The following PRTG variants were observed in gnomAD, a reference collection of about 807,000 sequenced individuals.
The protein encoded by PRTG is protogenin.
A neutral mutation model predicts 122.5 loss-of-function variants in PRTG; 67 were observed. The observed-to-expected ratio is 0.55, with a 90% CI of 0.45 to 0.67. The LOEUF (loss-of-function observed/expected upper bound fraction) is 0.67, where lower values mean the gene tolerates loss of function less well. PRTG is among the 30% of genes least tolerant of loss of function. PRTG has a pLI of 0.00. For synonymous variants in PRTG, 554 were observed against 501.1 expected (o/e 1.11, Z -1.41); for missense variants, 1,435 against 1,415.4 (o/e 1.01, Z -0.22).
At chr15:55,624,573 G>T in intron 17 of PRTG, 66 bp from the exon 18 acceptor site, 1 of 1,376,706 alleles carries the variant, frequency 7.3e-7, no homozygotes, top group African/African-American at 1.4e-5. Context: ...TGAACCACCT[G>T]GCCTATCAAC....
At chr15:55,633,272 C>T (rs1014564682) in intron 15 of PRTG, among the ~76,000 whole-genome samples, 2 of 151,952 alleles carry the variant, frequency 1.3e-5, no homozygotes, top group East Asian at 1.9e-4. Flanking sequence ...TGCAGTGGCA[C>T]GATCTCGGCT....
chr15:55,679,750 C>A (rs2059526590), intron 6 of PRTG: 1 of 422,336 alleles, frequency 2.4e-6, no homozygotes, highest in Non-Finnish European at 4.2e-6. Context: ...TGGCAATAAT[C>A]AAGAGATTAA....
intron 11 of PRTG, among the ~76,000 whole-genome samples, chr15:55,645,351 G>A (rs952294209): frequency 4.2e-5 from 6 of 141,426 alleles, no homozygotes; most frequent in Admixed American, 7.5e-5. Context: ...GGAGAATGGC[G>A]TGAACCCGGG....
At chr15:55,691,560 A>G (rs887505697) in intron 2 of PRTG, among the ~76,000 whole-genome samples, 3 of 151,684 alleles carry the variant, frequency 2.0e-5, no homozygotes, top group Non-Finnish European at 4.4e-5. Context: ...GTACGCCTGT[A>G]GTCCCAGCTA....
intron 11 of PRTG, among the ~76,000 whole-genome samples, chr15:55,644,080 C>T (rs868513420): frequency 2.6e-5 from 4 of 152,088 alleles, no homozygotes; most frequent in African/African-American, 9.7e-5. Flanking sequence ...CTCAAGCAAT[C>T]CACCTACCTT....
chr15:55,658,650 A>G (rs1436020922), intron 11 of PRTG, among the ~76,000 whole-genome samples: 1 of 152,130 alleles, frequency 6.6e-6, no homozygotes, highest in Non-Finnish European at 1.5e-5. Context: ...GTCTCTATTA[A>G]TGGAATTTCT....
chr15:55,671,935 G>A (rs1224601976), intron 11 of PRTG, among the ~76,000 whole-genome samples: 1 of 152,190 alleles, frequency 6.6e-6, no homozygotes, highest in African/African-American at 2.4e-5. Context: ...CAAATACAAA[G>A]TTAAGTGCTT....
chr15:55,662,757 C>T (rs1430249270), intron 11 of PRTG, among the ~76,000 whole-genome samples: 1 of 152,078 alleles, frequency 6.6e-6, no homozygotes, highest in Non-Finnish European at 1.5e-5. Context: ...GCTGGATATG[C>T]CTCTCTTTCC....
chr15:55,702,670 G>C (rs755577349), intron 2 of PRTG, among the ~76,000 whole-genome samples: 2 of 152,106 alleles, frequency 1.3e-5, no homozygotes, highest in Non-Finnish European at 2.9e-5. Context: ...ACTATTAGAG[G>C]AACAGGAGGA....
At chr15:55,637,412 A>T in intron 14 of PRTG, 72 bp from the exon 15 acceptor site, 1 of 1,329,448 alleles carries the variant, frequency 7.5e-7, no homozygotes, top group South Asian at 2.3e-5. Flanking sequence ...CCTGGCTTAT[A>T]GGCTTAGAAA....
chr15:55,697,726 G>A (rs1320738753), intron 2 of PRTG, among the ~76,000 whole-genome samples: 1 of 152,172 alleles, frequency 6.6e-6, no homozygotes, highest in Non-Finnish European at 1.5e-5. Context: ...CTGACCTCAG[G>A]TGATCTGCTC....
chr15:55,625,240 G>A (rs2059188188), intron 17 of PRTG, among the ~76,000 whole-genome samples: 1 of 152,092 alleles, frequency 6.6e-6, no homozygotes, highest in Non-Finnish European at 1.5e-5. Context: ...TAAAAATTTA[G>A]CCAAAGTCAA....
chr15:55,671,230 G>T (rs1394648323), intron 11 of PRTG, among the ~76,000 whole-genome samples: 3 of 152,148 alleles, frequency 2.0e-5, no homozygotes, highest in Non-Finnish European at 4.4e-5. Flanking sequence ...ACACAGAGAA[G>T]CCCATGGCTG....
intron 11 of PRTG, among the ~76,000 whole-genome samples, chr15:55,651,746 C>T (rs1285224844): frequency 1.3e-5 from 2 of 152,110 alleles, no homozygotes; most frequent in Non-Finnish European, 2.9e-5. Flanking sequence ...GCTCCAGAAG[C>T]CTTGAAAAGA....
At position 55,615,809 on chromosome 15, in the gene PRTG, A is replaced by G. The variant is rs1248031073; in HGVS notation, c.*4203T>C. The G allele has an allele frequency of 6.6e-6, 1 of 152,156 alleles. No homozygotes were observed. The highest frequency in any genetic ancestry group is 1.5e-5 in the Non-Finnish European group (1 of 67,986). The allele number at this position is 152,156 out of a possible 1,614,324, so 9.4% of individuals were successfully genotyped here. A position where few individuals can be genotyped will look rare whatever the true frequency, so the allele number is the denominator to read the frequency against. On this transcript the variant is annotated 3_prime_UTR_variant, in exon 20 of 20. Transcript: ENST00000389286. The stretch of plus-strand genomic sequence containing the variant: ...AACCACTATAGCTACTGCTGAAGTG[A>G]AACCACATCTGGGTATTCTTGCATT...
chr15:55,736,178 G>GT (rs1413164214), intron 2 of PRTG, among the ~76,000 whole-genome samples: 4 of 151,594 alleles, frequency 2.6e-5, no homozygotes, highest in Non-Finnish European at 5.9e-5. Flanking sequence ...ATTAGGCCAG[G>GT]TAACTGCTCA....
chr15:55,706,740 T>C (rs974427148), intron 2 of PRTG, among the ~76,000 whole-genome samples: 7 of 151,942 alleles, frequency 4.6e-5, no homozygotes, highest in Non-Finnish European at 8.8e-5. Flanking sequence ...CACTCCAGCA[T>C]GGGTGATAGA....
At chr15:55,652,959 C>G (rs2059360992) in intron 11 of PRTG, among the ~76,000 whole-genome samples, 1 of 152,084 alleles carries the variant, frequency 6.6e-6, no homozygotes, top group South Asian at 2.1e-4. Flanking sequence ...GATTTAAAAA[C>G]AGGTTTTTAG....
intron 2 of PRTG, among the ~76,000 whole-genome samples, chr15:55,691,680 CAAA>C (rs765414935): frequency 4.7e-5 from 4 of 85,782 alleles, no homozygotes; most frequent in Admixed American, 1.3e-4. Context: ...GACTCCATCT[CAAA>C]AAAAAAAAAA....
Sources: gnomAD v4.1 joint callset for allele counts (sites outside exome capture counted in the v4.1 genomes callset) on GRCh38, gnomAD v4.1.1 for gene constraint, MANE v1.5 for transcripts, NCBI Gene and HGNC (gene_info 2026-07-23, HGNC 2026-07-21) for gene names.